Variants in CDK6 observed in about 807,000 individuals in gnomAD.
The protein encoded by CDK6 is cyclin dependent kinase 6, also known as cyclin-dependent kinase 6.
In CDK6, 6 loss-of-function variants were observed where a neutral mutation model predicts 37.1. That is an observed-to-expected ratio of 0.16 (90% CI 0.09 to 0.32). The LOEUF (loss-of-function observed/expected upper bound fraction) is 0.32, where lower values mean the gene tolerates loss of function less well. Ranked by LOEUF, CDK6 falls within the 10% of genes least tolerant of loss-of-function variation. The probability of loss-of-function intolerance (pLI) is 1.00; values close to 1 mark genes in which losing one functional copy is unlikely to be tolerated. For synonymous variants in CDK6, 160 were observed against 161.3 expected (o/e 0.99, Z 0.06); for missense variants, 224 against 418.9 (o/e 0.53, Z 4.06).
chr7:92,649,247 A>G (rs1796515574), intron 5 of CDK6, among the ~76,000 whole-genome samples: 1 of 152,228 alleles, frequency 6.6e-6, no homozygotes, highest in South Asian at 2.1e-4. Context: ...ACACTATTCC[A>G]TGAAACAGCA....
rs188253232 is a variant in CDK6, at chr7:92,732,418, A to C, written c.370-6625T>G. 2.7e-3 allele frequency among the ~76,000 whole-genome samples: 413 copies of C among 152,320 alleles called. 3 individuals carry two copies. The highest frequency in any genetic ancestry group is 9.6e-3 in the African/African-American group (400 of 41,570). On this transcript the variant is annotated intron_variant, in intron 3 of 7. Transcript: ENST00000424848. ...GGCGACAGCTCTCAAAAACAGAAGA[A>C]GAAATTTTAATAAGCTTTCTAATGG...
intron 4 of CDK6, among the ~76,000 whole-genome samples, chr7:92,704,213 C>A (rs1050756401): frequency 1.3e-5 from 2 of 152,130 alleles, no homozygotes; most frequent in Admixed American, 1.3e-4. Flanking sequence ...TTATCATACA[C>A]CTTCCTGACA....
At chr7:92,731,071 T>C (rs955467557) in intron 3 of CDK6, among the ~76,000 whole-genome samples, 10 of 152,146 alleles carry the variant, frequency 6.6e-5, no homozygotes, top group Admixed American at 5.2e-4. Context: ...CCACCCACTT[T>C]TGTCTGCATT....
At chr7:92,662,823 T>C (rs1320870576) in intron 5 of CDK6, among the ~76,000 whole-genome samples, 1 of 152,138 alleles carries the variant, frequency 6.6e-6, no homozygotes, top group Non-Finnish European at 1.5e-5. Context: ...GTAAGAGGAT[T>C]GCAAAGAGAA....
chr7:92,709,715 A>G (rs1224958970), intron 4 of CDK6, among the ~76,000 whole-genome samples: 3 of 152,216 alleles, frequency 2.0e-5, no homozygotes, highest in Non-Finnish European at 2.9e-5. Flanking sequence ...TTAGTTTAAC[A>G]TAATTTTTCT....
At chr7:92,813,911 T>C (rs1800954345) in intron 2 of CDK6, among the ~76,000 whole-genome samples, 1 of 152,186 alleles carries the variant, frequency 6.6e-6, no homozygotes. Flanking sequence ...GACCTTGCTT[T>C]TTCACTTCCT....
At chr7:92,794,883 G>T (rs557165073) in intron 2 of CDK6, among the ~76,000 whole-genome samples, 122 of 143,624 alleles carry the variant, frequency 8.5e-4, no homozygotes, top group Non-Finnish European at 1.3e-3. Context: ...CCAAAAAGAG[G>T]TGTGATAATA....
intron 4 of CDK6, among the ~76,000 whole-genome samples, chr7:92,697,388 C>T (rs985075997): frequency 3.9e-5 from 6 of 152,200 alleles, no homozygotes; most frequent in African/African-American, 9.7e-5. Context: ...GTCTTCCGTA[C>T]GCCTGGCACT....
At chr7:92,645,875 G>A (rs1796435110) in intron 5 of CDK6, among the ~76,000 whole-genome samples, 1 of 152,166 alleles carries the variant, frequency 6.6e-6, no homozygotes, top group African/African-American at 2.4e-5. Context: ...TCACACCCCG[G>A]CTGTATTTGT....
chr7:92,720,567 G>A (rs1420895572), intron 4 of CDK6, among the ~76,000 whole-genome samples: 1 of 152,154 alleles, frequency 6.6e-6, no homozygotes, highest in Non-Finnish European at 1.5e-5. Flanking sequence ...TAAAGATTTT[G>A]CATCATAAAT....
rs533497040 is a variant in CDK6 at position 92,607,911 on chromosome 7, T to C, written c.*7229A>G. 8.6e-6 allele frequency: 2 copies of C among 233,474 alleles called. No homozygotes were observed. Among genetic ancestry groups the C allele is most frequent in the African/African-American group, 4.4e-5 (2 of 45,460 alleles). The allele number at this position is 233,474 out of a possible 1,614,324, so 14.5% of individuals were successfully genotyped here. ...AAAGATATATCATGCACTGTGAGGT[T>C]TAAGAAATGTATTACTGCTGGGATT... On this transcript the variant is annotated 3_prime_UTR_variant, in exon 8 of 8. Transcript: ENST00000424848.
In CDK6 at chr7:92,781,564, T is replaced by TA. The variant is rs1799992655; in HGVS notation, c.234-6734dup. 1.3e-5 allele frequency among the ~76,000 whole-genome samples: 2 copies of TA among 152,244 alleles called. 1 individual carries two copies. Among genetic ancestry groups the TA allele is most frequent in the South Asian group, 4.1e-4 (2 of 4,830 alleles). ...AAGGTCTCCCAAACAACATGCTTTG[T>TA]AAACACAAGCCCTGCCTTTCTATTG... On this transcript the variant is annotated intron_variant, in intron 2 of 7. Coordinates refer to ENST00000424848, the MANE Select transcript of CDK6 (RefSeq NM_001145306.2).
Position 92,833,260 on chromosome 7 carries a change from C to T in CDK6, c.64G>A (p.Gly22Ser), listed in dbSNP as rs2116033933. The T allele has an allele frequency of 6.2e-7, 1 of 1,610,534 alleles. No homozygotes were observed. The highest frequency in any genetic ancestry group is 8.5e-7 in the Non-Finnish European group (1 of 1,179,134). ...QYECVAEIGE[G>S]AYGKVFKARD... ...GCCTTGAACACCTTCCCATAGGCGC[C>T]CTCCCCGATCTCCGCCACGCATTCG... Residue 22 changes from glycine to serine, a missense_variant, in exon 2 of 8, where the codon GGC becomes AGC. Gly to Ser is a moderately conservative substitution (Grantham distance 56). Coordinates refer to ENST00000424848, the MANE Select transcript of CDK6 (RefSeq NM_001145306.2). This position sits in a 1 kb window ranked among gnomAD's most constrained non-coding sequence, Gnocchi z 6.1.
At chr7:92,702,214 T>C (rs1207858913) in intron 4 of CDK6, among the ~76,000 whole-genome samples, 1 of 143,700 alleles carries the variant, frequency 7.0e-6, no homozygotes, top group Non-Finnish European at 1.5e-5. Flanking sequence ...CATTATCAAG[T>C]ATATTCTTTT....
intron 5 of CDK6, among the ~76,000 whole-genome samples, chr7:92,627,990 C>G (rs560580044): frequency 6.6e-6 from 1 of 151,914 alleles, no homozygotes; most frequent in Admixed American, 6.6e-5. Flanking sequence ...TTTAAGCATG[C>G]GGTATTAAAG....
At chr7:92,766,926 G>A (rs1179705050) in intron 3 of CDK6, among the ~76,000 whole-genome samples, 2 of 152,096 alleles carry the variant, frequency 1.3e-5, no homozygotes, top group African/African-American at 4.8e-5. Context: ...CCTTTAGAAA[G>A]AAACTAGCTT....
intron 2 of CDK6, among the ~76,000 whole-genome samples, chr7:92,815,164 T>A (rs1452471874): frequency 6.6e-6 from 1 of 152,170 alleles, no homozygotes; most frequent in African/African-American, 2.4e-5. Context: ...CAGTTAGCAT[T>A]CCTATTGCCA....
At chr7:92,666,961 C>T (rs1216647940) in intron 5 of CDK6, among the ~76,000 whole-genome samples, 1 of 152,124 alleles carries the variant, frequency 6.6e-6, no homozygotes, top group Non-Finnish European at 1.5e-5. Context: ...GCATTGTTAT[C>T]ACAGGGGATG....
chr7:92,742,721 TA>T (rs1414757491), intron 3 of CDK6, among the ~76,000 whole-genome samples: 2 of 149,324 alleles, frequency 1.3e-5, no homozygotes, highest in African/African-American at 5.0e-5. Context: ...TTTATATGTA[TA>T]AAATGTATAC....
Sources: allele counts gnomAD v4.1 joint callset (sites outside exome capture counted in the v4.1 genomes callset), GRCh38; gene constraint gnomAD v4.1.1; non-coding constraint Gnocchi (gnomAD v3.1); transcripts MANE v1.5; gene names NCBI Gene and HGNC (gene_info 2026-07-23, HGNC 2026-07-21).